The following SNX9 variants were observed in gnomAD, a reference collection of about 807,000 sequenced individuals.
The protein encoded by SNX9 is sorting nexin 9, also known as sorting nexin-9.
A neutral mutation model predicts 89.4 loss-of-function variants in SNX9; 44 were observed. That is an observed-to-expected ratio of 0.49 (90% CI 0.39 to 0.63). SNX9 has a LOEUF of 0.63. Ranked by LOEUF, SNX9 falls within the 30% of genes least tolerant of loss-of-function variation. SNX9 has a pLI of 0.00. For synonymous variants in SNX9, 236 were observed against 247.8 expected (o/e 0.95, Z 0.45); for missense variants, 578 against 736.1 (o/e 0.79, Z 2.49).
At chr6:157,866,489 G>A (rs2115133922) in intron 1 of SNX9, among the ~76,000 whole-genome samples, 2 of 152,308 alleles carry the variant, frequency 1.3e-5, no homozygotes, top group Non-Finnish European at 2.9e-5. Context: ...TGGGAGGATT[G>A]CTTGAGCCTG....
At chr6:157,860,066 A>G (rs78738215) in intron 1 of SNX9, among the ~76,000 whole-genome samples, 1,905 of 152,334 alleles carry the variant, frequency 0.013, 44 homozygotes, top group African/African-American at 0.044. Flanking sequence ...CAGCAGAGAC[A>G]GACTGAATGG....
At chr6:157,887,603 C>T (rs1038072119) in intron 4 of SNX9, among the ~76,000 whole-genome samples, 1 of 152,126 alleles carries the variant, frequency 6.6e-6, no homozygotes, top group African/African-American at 2.4e-5. Context: ...CTGTCTGTCT[C>T]CCGTATCTCA....
At chr6:157,831,918 A>G (rs1463676971) in intron 1 of SNX9, among the ~76,000 whole-genome samples, 1 of 152,172 alleles carries the variant, frequency 6.6e-6, no homozygotes, top group Non-Finnish European at 1.5e-5. Context: ...TGAAAGTGTT[A>G]ATCTGATCTT....
chr6:157,880,874 C>T (rs1039942943), intron 4 of SNX9, among the ~76,000 whole-genome samples: 3 of 152,172 alleles, frequency 2.0e-5, no homozygotes, highest in African/African-American at 7.2e-5. Flanking sequence ...CTCTGTGCCT[C>T]ATCTGTAAAA....
intron 9 of SNX9, among the ~76,000 whole-genome samples, chr6:157,912,741 A>C (rs937416068): frequency 2.0e-5 from 3 of 152,196 alleles, no homozygotes; most frequent in African/African-American, 7.2e-5. Context: ...ACATTTCTTT[A>C]TTTGTTTAGA....
At position 157,823,536 on chromosome 6, in the gene SNX9, G is replaced by A. The variant is rs899105719; in HGVS notation, c.12+90G>A. On this transcript the variant is annotated intron_variant, in intron 1 of 17. Coordinates refer to ENST00000392185, the MANE Select transcript of SNX9 (RefSeq NM_016224.5). This position sits in a 1 kb window ranked among gnomAD's most constrained non-coding sequence, Gnocchi z 4.6. ...GGCCGGGGCCGCGGGGAGGGTCGGG[G>A]CCAGGGGTGGTCGAGGGGCCACTCC... The A allele has an allele frequency of 1.3e-5, 14 of 1,096,396 alleles. No homozygotes were observed. Among genetic ancestry groups the A allele is most frequent in the African/African-American group, 1.7e-5 (1 of 60,230 alleles). 67.9% of individuals were successfully genotyped at this position (1,096,396 alleles called of 1,614,324 possible). A position where few individuals can be genotyped will look rare whatever the true frequency, so the allele number is the denominator to read the frequency against.
At chr6:157,907,308 G>A (rs1363933455) in intron 7 of SNX9, among the ~76,000 whole-genome samples, 1 of 152,040 alleles carries the variant, frequency 6.6e-6, no homozygotes, top group Non-Finnish European at 1.5e-5. Context: ...TTAAGACAGA[G>A]TCTCACTCTG....
chr6:157,916,866 C>A (rs1016198153), intron 9 of SNX9, among the ~76,000 whole-genome samples: 1 of 152,112 alleles, frequency 6.6e-6, no homozygotes, highest in Non-Finnish European at 1.5e-5. Flanking sequence ...GGTTATTGGT[C>A]TATAGTTTTC....
intron 1 of SNX9, among the ~76,000 whole-genome samples, chr6:157,824,953 C>T (rs1337768250): frequency 6.6e-6 from 1 of 152,162 alleles, no homozygotes; most frequent in Non-Finnish European, 1.5e-5. Context: ...ACCTTAAAAG[C>T]GGTTTATAGG....
intron 1 of SNX9, among the ~76,000 whole-genome samples, chr6:157,838,640 T>C (rs1359451108): frequency 1.3e-5 from 2 of 152,222 alleles, no homozygotes; most frequent in Non-Finnish European, 2.9e-5. Flanking sequence ...ATTCTGACAT[T>C]ATGTTACTCA....
chr6:157,878,817 T>C (rs1475840452), intron 4 of SNX9, among the ~76,000 whole-genome samples: 2 of 152,222 alleles, frequency 1.3e-5, no homozygotes, highest in East Asian at 1.9e-4. Context: ...TTCTGACTTA[T>C]GACGGATACA....
chr6:157,934,001 C>A (rs1783870617), intron 13 of SNX9, among the ~76,000 whole-genome samples: 1 of 152,128 alleles, frequency 6.6e-6, no homozygotes, highest in South Asian at 2.1e-4. Context: ...GGCTTTTCTC[C>A]CATTACAAAG....
chr6:157,861,103 AC>A (rs1782110618), intron 1 of SNX9, among the ~76,000 whole-genome samples: 1 of 152,242 alleles, frequency 6.6e-6, no homozygotes, highest in African/African-American at 2.4e-5. Context: ...TGAAAATTTT[AC>A]ATACAGAATA....
At chr6:157,869,848 C>T (rs78947320) in intron 2 of SNX9, among the ~76,000 whole-genome samples, 1,537 of 151,512 alleles carry the variant, frequency 0.01, 10 homozygotes, top group Non-Finnish European at 0.018. Flanking sequence ...ATTATGCATA[C>T]CCCCACACAC....
intron 4 of SNX9, among the ~76,000 whole-genome samples, chr6:157,887,685 T>C (rs1435106178): frequency 6.6e-6 from 1 of 152,202 alleles, no homozygotes; most frequent in Non-Finnish European, 1.5e-5. Flanking sequence ...ATTTTTTGTT[T>C]TCATTGGGAG....
At chr6:157,838,780 T>C (rs1319794735) in intron 1 of SNX9, among the ~76,000 whole-genome samples, 2 of 152,216 alleles carry the variant, frequency 1.3e-5, no homozygotes, top group Non-Finnish European at 2.9e-5. Flanking sequence ...AAGTACATTT[T>C]AGAGAAGTGT....
chr6:157,934,465 C>T (rs1783881717), intron 13 of SNX9, among the ~76,000 whole-genome samples: 1 of 151,962 alleles, frequency 6.6e-6, no homozygotes, highest in African/African-American at 2.4e-5. Context: ...ACAAATGATA[C>T]ATCAAAATGA....
At chr6:157,894,442 A>G (rs534560855) in intron 4 of SNX9, among the ~76,000 whole-genome samples, 1 of 147,332 alleles carries the variant, frequency 6.8e-6, no homozygotes, top group East Asian at 2.0e-4. Flanking sequence ...ACTCAGTTCC[A>G]GACAGATACA....
chr6:157,913,447 C>T (rs1019377867), intron 9 of SNX9, among the ~76,000 whole-genome samples: 3 of 148,552 alleles, frequency 2.0e-5, no homozygotes, highest in Non-Finnish European at 3.0e-5. Context: ...TATAGGTGCA[C>T]GCCACCATTG....
Sources: allele counts gnomAD v4.1 joint callset (sites outside exome capture counted in the v4.1 genomes callset), GRCh38; gene constraint gnomAD v4.1.1; non-coding constraint Gnocchi (gnomAD v3.1); transcripts MANE v1.5; gene names NCBI Gene and HGNC (gene_info 2026-07-23, HGNC 2026-07-21).